The following AGO3 variants were observed in gnomAD, a reference collection of about 807,000 sequenced individuals.
AGO3 encodes the protein argonaute RISC catalytic component 3.
In AGO3, 16 loss-of-function variants were observed where a neutral mutation model predicts 105.5. The observed-to-expected ratio is 0.15, with a 90% CI of 0.10 to 0.23. The LOEUF is 0.23. AGO3 is among the 10% of genes least tolerant of loss of function. The pLI is 1.00. For missense variants in AGO3, 534 were observed against 1,088.0 expected (o/e 0.49, Z 7.16); for synonymous variants, 340 against 367.3 (o/e 0.93, Z 0.85).
intron 5 of AGO3, among the ~76,000 whole-genome samples, chr1:35,981,761 C>T (rs548044175): frequency 6.6e-6 from 1 of 152,302 alleles, no homozygotes; most frequent in East Asian, 1.9e-4. Context: ...ACCTCCTTTC[C>T]TTACCTCCTT....
At chr1:36,054,331 G>GA (rs1315011993) in intron 17 of AGO3, among the ~76,000 whole-genome samples, 2 of 152,012 alleles carry the variant, frequency 1.3e-5, no homozygotes, top group East Asian at 3.9e-4. Context: ...GGAGTGCAAT[G>GA]ATGGGATCAT....
chr1:36,068,481 C>T lies in AGO3; in HGVS notation c.*12736C>T, dbSNP rs1217415038. The T allele has an allele frequency of 6.6e-6, 1 of 152,082 alleles. No individual in the cohort carries two copies. The highest frequency in any genetic ancestry group is 1.5e-5 in the Non-Finnish European group (1 of 68,002). 9.4% of individuals were successfully genotyped at this position (152,082 alleles called of 1,614,324 possible). ...GAGTTTAAAGCAAGCCTGGGCAATA[C>T]AGCAAGACCCCAATCTTTAAAATAA... is the stretch of plus-strand genomic sequence containing the variant. On this transcript the variant is annotated 3_prime_UTR_variant, in exon 19 of 19. Coordinates refer to ENST00000373191, the MANE Select transcript of AGO3 (RefSeq NM_024852.4).
chr1:35,950,004 C>G (rs909907952), intron 2 of AGO3, among the ~76,000 whole-genome samples: 2 of 152,104 alleles, frequency 1.3e-5, no homozygotes, highest in Non-Finnish European at 2.9e-5. Context: ...GAGTGGATCA[C>G]GAGGTCAGGA....
Position 36,040,391 on chromosome 1 carries a change from G to A in AGO3, c.2122G>A (p.Val708Ile). Reference protein sequence around the residue: ...DYQPGITYIVVQKRHHTRLFC... With the variant: ...DYQPGITYIVIQKRHHTRLFC... Reference sequence around the variant, plus strand: ...TCAACCTGGAATAACCTACATTGTAGTTCAGAAGAGACATCACACTCGATT... The same window carrying A: ...TCAACCTGGAATAACCTACATTGTAATTCAGAAGAGACATCACACTCGATT... The change falls in exon 16 of 19, where the codon GTT (valine) becomes ATT (isoleucine). Residue 708 changes from valine to isoleucine, a missense_variant. This residue lies in a region of AGO3 where 373 missense variants were observed against 854.0 expected (regional missense o/e 0.44). Transcript: ENST00000373191. 2 of 1,613,998 alleles carry A rather than the reference G, an allele frequency of 1.2e-6. No individual in the cohort carries two copies. Among genetic ancestry groups the A allele is most frequent in the Non-Finnish European group, 1.7e-6 (2 of 1,179,956 alleles).
intron 2 of AGO3, among the ~76,000 whole-genome samples, chr1:35,955,013 A>G (rs10796875): frequency 0.035 from 5,255 of 152,306 alleles, 298 homozygotes; most frequent in African/African-American, 0.12. Context: ...GAGCAAAGGT[A>G]TGACATGTTG....
At chr1:36,049,283 G>C (rs1328608442) in intron 17 of AGO3, among the ~76,000 whole-genome samples, 1 of 152,130 alleles carries the variant, frequency 6.6e-6, no homozygotes, top group Non-Finnish European at 1.5e-5. Flanking sequence ...ACTTTGGGAG[G>C]CCAAGGCCGG....
At chr1:36,006,626 T>G (rs892196586) in intron 6 of AGO3, among the ~76,000 whole-genome samples, 4 of 152,188 alleles carry the variant, frequency 2.6e-5, no homozygotes, top group African/African-American at 9.7e-5. Flanking sequence ...AGTATTTCCT[T>G]CTTTTAAGAT....
chr1:36,034,112 C>T, intron 12 of AGO3, 62 bp from the exon 13 acceptor site: 1 of 1,399,410 alleles, frequency 7.1e-7, no homozygotes, highest in South Asian at 1.7e-5. Flanking sequence ...GCTTTATTTT[C>T]AGTATGTAAA....
At chr1:35,951,119 G>A (rs954942863) in intron 2 of AGO3, among the ~76,000 whole-genome samples, 6 of 152,202 alleles carry the variant, frequency 3.9e-5, no homozygotes, top group African/African-American at 7.2e-5. Flanking sequence ...CCCAGCTAGC[G>A]TTTGTATTTT....
intron 5 of AGO3, among the ~76,000 whole-genome samples, chr1:35,994,942 C>T (rs1648131801): frequency 6.6e-6 from 1 of 151,858 alleles, no homozygotes; most frequent in Non-Finnish European, 1.5e-5. Context: ...ATAGAAATCC[C>T]ATCAGGCTTA....
At chr1:36,052,090 G>T (rs1032398411) in intron 17 of AGO3, among the ~76,000 whole-genome samples, 1 of 152,120 alleles carries the variant, frequency 6.6e-6, no homozygotes, top group African/African-American at 2.4e-5. Context: ...AAAGGAAACA[G>T]TGTGTCAAGA....
chr1:36,029,391 CTTTTTT>C (rs71034710), intron 12 of AGO3, among the ~76,000 whole-genome samples: 1 of 121,686 alleles, frequency 8.2e-6, no homozygotes. Flanking sequence ...CTCTTTCTTT[CTTTTTT>C]TTTTTTTTTT....
At chr1:36,033,066 G>C (rs1478803718) in intron 12 of AGO3, among the ~76,000 whole-genome samples, 2 of 152,148 alleles carry the variant, frequency 1.3e-5, no homozygotes, top group Non-Finnish European at 2.9e-5. Flanking sequence ...CCAGAAGGCA[G>C]AGGTTGCAGT....
chr1:36,069,706 A>T lies in AGO3; in HGVS notation c.*13961A>T, dbSNP rs1643137040. ...AACTTTTCAAAAACCAAATGATTTT[A>T]GTGGTGCTATGGCAGCTGCAGTTTT... On this transcript the variant is annotated 3_prime_UTR_variant, in exon 19 of 19. Coordinates refer to ENST00000373191, the MANE Select transcript of AGO3 (RefSeq NM_024852.4). The T allele has an allele frequency of 6.6e-6, 1 of 152,260 alleles. No homozygotes were observed. The allele number at this position is 152,260 out of a possible 1,614,324, so 9.4% of individuals were successfully genotyped here.
At position 36,060,664 on chromosome 1, in the gene AGO3, T is replaced by C. The variant is rs1643016919; in HGVS notation, c.*4919T>C. 6.6e-6 allele frequency: 1 copy of C among 152,242 alleles called. No individual in the cohort carries two copies. Among genetic ancestry groups the C allele is most frequent in the Admixed American group, 6.5e-5 (1 of 15,280 alleles). The allele number at this position is 152,242 out of a possible 1,614,324, so 9.4% of individuals were successfully genotyped here. ...GTATCATTAAACCTGAGTTAAATGT[T>C]TGCTTAGCTTATCCTCTTAGATGTT... On this transcript the variant is annotated 3_prime_UTR_variant, in exon 19 of 19. Transcript: ENST00000373191.
chr1:36,035,742 CTT>C (rs1272840777), intron 13 of AGO3, among the ~76,000 whole-genome samples: 1 of 152,122 alleles, frequency 6.6e-6, no homozygotes, highest in Non-Finnish European at 1.5e-5. Context: ...GTGAATAAAA[CTT>C]TGGATTGGCC....
chr1:36,024,435 C>T (rs1641398540), intron 11 of AGO3, among the ~76,000 whole-genome samples: 1 of 152,158 alleles, frequency 6.6e-6, no homozygotes, highest in Non-Finnish European at 1.5e-5. Flanking sequence ...CCGCACTCTG[C>T]CGACCTTCTT....
rs560470592 is a variant in AGO3 at position 35,974,782 on chromosome 1, A to T, written c.658+1271A>T. On this transcript the variant is annotated intron_variant, in intron 5 of 18. Coordinates refer to ENST00000373191, the MANE Select transcript of AGO3 (RefSeq NM_024852.4). Reference sequence around the variant, plus strand: ...CTGTTATTCTTTTTGCATTAGGTGGAATTTTTCTGTGGAAAAGCTCAGTGT... The same window carrying T: ...CTGTTATTCTTTTTGCATTAGGTGGTATTTTTCTGTGGAAAAGCTCAGTGT... Among the ~76,000 whole-genome samples, 109 of 152,314 alleles carry T rather than the reference A, an allele frequency of 7.2e-4. 2 individuals are homozygous for T. The South Asian group carries it at 0.022, about 30-fold the overall frequency.
intron 2 of AGO3, among the ~76,000 whole-genome samples, chr1:35,959,430 C>T (rs910353097): frequency 2.0e-5 from 3 of 152,134 alleles, no homozygotes; most frequent in African/African-American, 7.2e-5. Flanking sequence ...TGCAAGAATT[C>T]TTTTCTTCTC....
Sources: gnomAD v4.1 joint callset for allele counts (sites outside exome capture counted in the v4.1 genomes callset) on GRCh38, gnomAD v4.1.1 for gene constraint, gnomAD v4.1.1 regional missense constraint, MANE v1.5 for transcripts, NCBI Gene and HGNC (gene_info 2026-07-23, HGNC 2026-07-21) for gene names.